Variants in CSMD1 observed in about 807,000 individuals in gnomAD.
CSMD1 encodes the protein CUB and Sushi multiple domains 1.
CSMD1 carries 213 observed loss-of-function variants against 417.5 expected under a neutral mutation model. The observed-to-expected ratio is 0.51, with a 90% CI of 0.46 to 0.57. The LOEUF (loss-of-function observed/expected upper bound fraction) is 0.57. CSMD1 is among the 20% of genes least tolerant of loss of function. CSMD1 has a pLI of 0.00. For synonymous variants in CSMD1, 2,862 were observed against 1,736.8 expected, an observed-to-expected ratio of 1.65 and a Z score of -16.11; for missense variants, 6,923 against 4,529.7, an observed-to-expected ratio of 1.53 and a Z score of -15.17.
intron 2 of CSMD1, among the ~76,000 whole-genome samples, chr8:4,452,719 A>G (rs963155428): frequency 1.3e-5 from 2 of 152,194 alleles, no homozygotes; most frequent in Admixed American, 6.5e-5. Flanking sequence ...ATTTAAATCA[A>G]CACGGACACA....
intron 3 of CSMD1, among the ~76,000 whole-genome samples, chr8:4,415,511 C>A (rs1796886023): frequency 6.6e-6 from 1 of 152,182 alleles, no homozygotes; most frequent in Non-Finnish European, 1.5e-5. Context: ...CCTGCTCTTT[C>A]CCTTGCTCTT....
intron 18 of CSMD1, among the ~76,000 whole-genome samples, chr8:3,380,735 T>G (rs1317610644): frequency 6.6e-6 from 1 of 152,102 alleles, no homozygotes; most frequent in Non-Finnish European, 1.5e-5. Context: ...CACTGGGTCC[T>G]GTTCGGAGAA....
chr8:4,531,583 G>A (rs1250632179), intron 2 of CSMD1, among the ~76,000 whole-genome samples: 3 of 152,132 alleles, frequency 2.0e-5, no homozygotes, highest in Non-Finnish European at 2.9e-5. Flanking sequence ...GTAAAGTCCT[G>A]TATAAGTGTA....
intron 3 of CSMD1, among the ~76,000 whole-genome samples, chr8:4,338,422 C>G (rs928047169): frequency 2.6e-5 from 4 of 152,042 alleles, no homozygotes; most frequent in Non-Finnish European, 5.9e-5. Flanking sequence ...GAATCAAGAC[C>G]TCATCAGAGC....
chr8:3,675,730 G>A (rs1277536207), intron 7 of CSMD1, among the ~76,000 whole-genome samples: 3 of 152,034 alleles, frequency 2.0e-5, no homozygotes, highest in African/African-American at 4.8e-5. Context: ...TAAGCACCTT[G>A]ATCTTGGACT....
At chr8:4,318,715 A>C (rs1347340034) in intron 3 of CSMD1, among the ~76,000 whole-genome samples, 3 of 3,594 alleles carry the variant, frequency 8.3e-4, no homozygotes, top group Non-Finnish European at 2.4e-3. Flanking sequence ...TAAAATCTCA[A>C]AAAAAAAAAA....
intron 10 of CSMD1, among the ~76,000 whole-genome samples, chr8:3,563,448 A>AC (rs1330616246): frequency 9.4e-5 from 14 of 149,650 alleles, no homozygotes; most frequent in Non-Finnish European, 2.1e-4. Flanking sequence ...AAGGTAAAAA[A>AC]AAAAAAAAAA....
intron 8 of CSMD1, among the ~76,000 whole-genome samples, chr8:3,612,386 C>T (rs899200538): frequency 2.0e-5 from 3 of 152,090 alleles, no homozygotes; most frequent in Non-Finnish European, 4.4e-5. Flanking sequence ...CTCTCAATCA[C>T]AGATCTGACA....
chr8:3,303,935 G>T, intron 25 of CSMD1, among the ~76,000 whole-genome samples: 1 of 74,434 alleles, frequency 1.3e-5, no homozygotes, highest in Non-Finnish European at 3.3e-5. Flanking sequence ...AACTATTTTG[G>T]GGTATTGCGC....
chr8:4,071,362 T>C (rs1799547844), intron 3 of CSMD1, among the ~76,000 whole-genome samples: 1 of 151,978 alleles, frequency 6.6e-6, no homozygotes, highest in East Asian at 1.9e-4. Context: ...TCTTATGTCA[T>C]TTTGTATCTG....
At chr8:3,383,791 CAATA>C (rs780741974) in intron 18 of CSMD1, among the ~76,000 whole-genome samples, 3 of 151,936 alleles carry the variant, frequency 2.0e-5, no homozygotes, top group Non-Finnish European at 2.9e-5. Context: ...CATCAATGTC[CAATA>C]AATATACAAA....
intron 7 of CSMD1, among the ~76,000 whole-genome samples, chr8:3,669,799 C>A (rs758827728): frequency 8.5e-5 from 13 of 152,114 alleles, no homozygotes; most frequent in Admixed American, 3.9e-4. Context: ...GATCCACGTG[C>A]AGCCCTAACA....
At chr8:3,267,665 G>C (rs1002410457) in intron 26 of CSMD1, among the ~76,000 whole-genome samples, 3 of 152,216 alleles carry the variant, frequency 2.0e-5, no homozygotes, top group African/African-American at 7.2e-5. Flanking sequence ...CAGTGAGGAA[G>C]CAGGGATGGA....
intron 2 of CSMD1, among the ~76,000 whole-genome samples, chr8:4,604,756 T>C (rs1044139911): frequency 2.6e-5 from 4 of 152,218 alleles, no homozygotes; most frequent in Non-Finnish European, 5.9e-5. Flanking sequence ...TTGTTTGCAG[T>C]TAATTTTGTA....
chr8:4,378,190 G>C (rs181998734), intron 3 of CSMD1, among the ~76,000 whole-genome samples: 8 of 152,228 alleles, frequency 5.3e-5, no homozygotes, highest in Non-Finnish European at 1.0e-4. Flanking sequence ...ACTCTAATCG[G>C]CGTCCAACGA....
chr8:4,971,884 G>C (rs1011635799), intron 1 of CSMD1, among the ~76,000 whole-genome samples: 2 of 151,960 alleles, frequency 1.3e-5, no homozygotes, highest in Admixed American at 6.6e-5. Flanking sequence ...TTTTAGCTCA[G>C]AAATAGTAGT....
At position 4,935,852 on chromosome 8, in the gene CSMD1, G is replaced by T. The variant is rs141846568; in HGVS notation, c.85+58480C>A. 4.0e-3 allele frequency among the ~76,000 whole-genome samples: 602 copies of T among 152,272 alleles called. 1 individual carries two copies. Among genetic ancestry groups the T allele is most frequent in the African/African-American group, 0.014 (569 of 41,560 alleles). ...CTGTTTACCAAAAGCAGATTCAAAC[G>T]TCTTCACATGAGAAGCAGAACTCAT... On this transcript the variant is annotated intron_variant, in intron 1 of 69. Transcript: ENST00000635120.
intron 49 of CSMD1, among the ~76,000 whole-genome samples, chr8:3,076,787 G>C (rs932283851): frequency 3.3e-5 from 5 of 152,196 alleles, no homozygotes; most frequent in Non-Finnish European, 7.3e-5. Context: ...TGCGCAAAAT[G>C]CTGGGGATTC....
intron 8 of CSMD1, among the ~76,000 whole-genome samples, chr8:3,587,146 A>T (rs1800639915): frequency 6.6e-6 from 1 of 152,182 alleles, no homozygotes. Flanking sequence ...TAGAGAAAAA[A>T]CTGCCCTGGC....
Sources: gnomAD v4.1 joint callset for allele counts (sites outside exome capture counted in the v4.1 genomes callset) on GRCh38, gnomAD v4.1.1 for gene constraint, MANE v1.5 for transcripts, NCBI Gene and HGNC (gene_info 2026-07-23, HGNC 2026-07-21) for gene names.